SHANK2: variants seen among roughly 807,000 people sequenced by gnomAD.
SHANK2 encodes the protein SH3 and multiple ankyrin repeat domains protein 2.
A neutral mutation model predicts 133.7 loss-of-function variants in SHANK2; 43 were observed. The ratio of observed to expected loss-of-function variants is 0.32; its 90% CI spans 0.25 to 0.41. The LOEUF is 0.41. Ranked by LOEUF, SHANK2 falls within the 10% of genes least tolerant of loss-of-function variation. SHANK2 has a pLI of 1.00. For synonymous variants in SHANK2, 1,017 were observed against 952.8 expected, an observed-to-expected ratio of 1.07 and a Z score of -1.24; for missense variants, 1,994 against 2,235.8, an observed-to-expected ratio of 0.89 and a Z score of 2.18.
intron 10 of SHANK2, among the ~76,000 whole-genome samples, chr11:70,924,519 C>T (rs1377014149): frequency 1.1e-4 from 17 of 152,094 alleles, no homozygotes; most frequent in Admixed American, 1.0e-3. Context: ...TGCAGTGGCA[C>T]GATCCTGGCT....
At chr11:70,525,787 G>C (rs1461848567) in intron 17 of SHANK2, among the ~76,000 whole-genome samples, 4 of 151,806 alleles carry the variant, frequency 2.6e-5, no homozygotes, top group Non-Finnish European at 4.4e-5. Flanking sequence ...CCCCCTCCTA[G>C]CCCCCAGGGA....
intron 14 of SHANK2, among the ~76,000 whole-genome samples, chr11:70,736,217 T>A (rs1946400854): frequency 6.6e-6 from 1 of 152,070 alleles, no homozygotes; most frequent in Non-Finnish European, 1.5e-5. Context: ...GGCCAACCGC[T>A]CGTTTCAGAG....
rs1441578121 is a variant in SHANK2, at chr11:71,252,516, G to T, written c.-204C>A. The T allele has an allele frequency of 6.6e-6, 1 of 151,064 alleles. No individual in the cohort carries two copies. Among genetic ancestry groups the T allele is most frequent in the Admixed American group, 6.6e-5 (1 of 15,176 alleles). 9.4% of individuals were successfully genotyped at this position (151,064 alleles called of 1,614,324 possible). A position where few individuals can be genotyped will look rare whatever the true frequency, so the allele number is the denominator to read the frequency against. Reference sequence around the variant, plus strand: ...CGGCCGCGGGAACCCGAGCGGCGCCGCGCCCAGCCCCGCCGGAGCTCAGGA... The same window carrying T: ...CGGCCGCGGGAACCCGAGCGGCGCCTCGCCCAGCCCCGCCGGAGCTCAGGA... On this transcript the variant is annotated 5_prime_UTR_variant, in exon 1 of 26. Coordinates refer to ENST00000601538, the MANE Select transcript of SHANK2 (RefSeq NM_012309.5). The surrounding 1 kb of genome is among the most constrained non-coding windows in gnomAD (Gnocchi z 6.3).
At chr11:71,145,475 G>A (rs1223932722) in intron 3 of SHANK2, among the ~76,000 whole-genome samples, 35 of 152,216 alleles carry the variant, frequency 2.3e-4, no homozygotes, top group Admixed American at 2.2e-3. Context: ...TAGAGGGCAC[G>A]TGTCAGCACG....
At chr11:70,879,927 A>T (rs1182825218) in intron 11 of SHANK2, among the ~76,000 whole-genome samples, 6 of 152,224 alleles carry the variant, frequency 3.9e-5, no homozygotes, top group Admixed American at 2.6e-4. Context: ...AGGAATGGTG[A>T]CAGAGCTTCC....
chr11:70,624,411 C>T (rs1251328767), intron 17 of SHANK2, among the ~76,000 whole-genome samples: 1 of 152,012 alleles, frequency 6.6e-6, no homozygotes, highest in Non-Finnish European at 1.5e-5. Flanking sequence ...GGACACACTG[C>T]ACCCCTCACA....
At chr11:71,183,908 C>T (rs1953617802) in intron 2 of SHANK2, among the ~76,000 whole-genome samples, 1 of 152,154 alleles carries the variant, frequency 6.6e-6, no homozygotes, top group African/African-American at 2.4e-5. Flanking sequence ...GAGGTTGGAC[C>T]ACGTCAACAA....
chr11:70,663,396 G>A (rs1555014048), intron 15 of SHANK2, among the ~76,000 whole-genome samples: 1 of 152,108 alleles, frequency 6.6e-6, no homozygotes, highest in African/African-American at 2.4e-5. Flanking sequence ...CAAGGGACGA[G>A]CAGCGGCCCC....
intron 2 of SHANK2, among the ~76,000 whole-genome samples, chr11:71,217,597 G>A (rs897387308): frequency 1.3e-5 from 2 of 152,160 alleles, no homozygotes; most frequent in Non-Finnish European, 2.9e-5. Flanking sequence ...CCAGCTCCAC[G>A]CATGTTACTG....
chr11:70,597,091 G>C (rs1554989738), intron 17 of SHANK2, among the ~76,000 whole-genome samples: 1 of 152,062 alleles, frequency 6.6e-6, no homozygotes, highest in Non-Finnish European at 1.5e-5. Context: ...CGGTGCTCAG[G>C]GGGTGACTGT....
At chr11:70,541,428 C>T (rs767124949) in intron 17 of SHANK2, among the ~76,000 whole-genome samples, 12 of 152,226 alleles carry the variant, frequency 7.9e-5, no homozygotes, top group East Asian at 5.8e-4. Flanking sequence ...AGCTTCCTGG[C>T]GTGCCCTCCT....
At chr11:70,553,256 A>AT (rs782137083) in intron 17 of SHANK2, among the ~76,000 whole-genome samples, 39 of 151,714 alleles carry the variant, frequency 2.6e-4, no homozygotes, top group South Asian at 1.0e-3. Context: ...CGCCAGGCTA[A>AT]TTTTTTTTGT....
intron 14 of SHANK2, among the ~76,000 whole-genome samples, chr11:70,710,231 G>C (rs1555025822): frequency 6.6e-6 from 1 of 152,192 alleles, no homozygotes; most frequent in African/African-American, 2.4e-5. Context: ...CGTCCCCTCA[G>C]GCAGGCCTGG....
rs536246990 is a variant in SHANK2, at chr11:70,670,954, T to A, written c.1854-9276A>T. The stretch of plus-strand genomic sequence containing the variant: ...GCCCGCACACCCGTGCCCAGAGACG[T>A]GCGCTGGCGGAAGCCATTTCTCAAA... On this transcript the variant is annotated intron_variant, in intron 15 of 25. Coordinates refer to ENST00000601538, the MANE Select transcript of SHANK2 (RefSeq NM_012309.5). Among the ~76,000 whole-genome samples, 625 of 152,346 alleles carry A rather than the reference T, an allele frequency of 4.1e-3. 4 individuals carry two copies. The highest frequency in any genetic ancestry group is 0.014 in the African/African-American group (596 of 41,582).
intron 3 of SHANK2, among the ~76,000 whole-genome samples, chr11:71,130,783 G>A (rs76406109): frequency 0.012 from 1,841 of 152,118 alleles, 12 homozygotes; most frequent in East Asian, 0.02. Flanking sequence ...ATCTCAGGTC[G>A]TGGCCCCACA....
intron 17 of SHANK2, among the ~76,000 whole-genome samples, chr11:70,506,639 G>A (rs1554968454): frequency 6.6e-6 from 1 of 152,174 alleles, no homozygotes; most frequent in Non-Finnish European, 1.5e-5. Flanking sequence ...AGTTGCTTTG[G>A]ACGAGCTTCC....
chr11:71,122,472 G>A (rs1219330630), intron 3 of SHANK2, among the ~76,000 whole-genome samples: 3 of 152,126 alleles, frequency 2.0e-5, no homozygotes, highest in Non-Finnish European at 4.4e-5. Context: ...CAGGGCAGGG[G>A]AACATCACAC....
At chr11:71,068,462 G>T (rs1037054320) in intron 9 of SHANK2, among the ~76,000 whole-genome samples, 55 of 152,208 alleles carry the variant, frequency 3.6e-4, no homozygotes, top group Non-Finnish European at 7.3e-5. Flanking sequence ...AAGTTCCCCA[G>T]CAGCACAATG....
chr11:70,722,337 T>C (rs548857712), intron 14 of SHANK2, among the ~76,000 whole-genome samples: 1 of 152,246 alleles, frequency 6.6e-6, no homozygotes, highest in Non-Finnish European at 1.5e-5. Context: ...CTCTCAGCAA[T>C]ACCTCTTGGT....
Sources: gnomAD v4.1 joint callset for allele counts (sites outside exome capture counted in the v4.1 genomes callset) on GRCh38, gnomAD v4.1.1 for gene constraint, Gnocchi (gnomAD v3.1) non-coding constraint, MANE v1.5 for transcripts, NCBI Gene and HGNC (gene_info 2026-07-23, HGNC 2026-07-21) for gene names.